The following JAK1 variants were observed in gnomAD, a reference collection of about 807,000 sequenced individuals.
The protein encoded by JAK1 is tyrosine-protein kinase JAK1.
In JAK1, 16 loss-of-function variants were observed where a neutral mutation model predicts 136.6. That is an observed-to-expected ratio of 0.12 (90% CI 0.08 to 0.18). JAK1 has a LOEUF of 0.18. Among genes scored for constraint, JAK1 ranks in the 10% least tolerant of loss-of-function variants. The probability of loss-of-function intolerance (pLI) is 1.00; values close to 1 mark genes in which losing one functional copy is unlikely to be tolerated. For missense variants in JAK1, 859 were observed against 1,450.1 expected, an observed-to-expected ratio of 0.59 and a Z score of 6.62; for synonymous variants, 492 against 519.5, an observed-to-expected ratio of 0.95 and a Z score of 0.72.
intron 1 of JAK1, among the ~76,000 whole-genome samples, chr1:64,963,069 C>G (rs1012928919): frequency 5.9e-5 from 9 of 152,236 alleles, no homozygotes; most frequent in South Asian, 4.1e-4. Flanking sequence ...GAGACACCAT[C>G]TCGAAAAATA....
chr1:64,968,704 G>A (rs1386638644), upstream of JAK1, among the ~76,000 whole-genome samples: 4 of 152,232 alleles, frequency 2.6e-5, no homozygotes, highest in East Asian at 5.8e-4. Flanking sequence ...GGCCGAGGTG[G>A]GCCAATCACT....
At chr1:64,936,733 TAA>T (rs904903554) in intron 1 of JAK1, among the ~76,000 whole-genome samples, 4 of 152,284 alleles carry the variant, frequency 2.6e-5, no homozygotes, top group Admixed American at 1.3e-4. Context: ...GTAAAAAGAT[TAA>T]GTTAGTTAAT....
At chr1:64,904,718 A>G (rs2100219605) in intron 1 of JAK1, among the ~76,000 whole-genome samples, 1 of 145,552 alleles carries the variant, frequency 6.9e-6, no homozygotes, top group East Asian at 2.0e-4. Context: ...ATTCATTCAC[A>G]TATATTCACA....
At chr1:65,044,169 C>T (rs1647162748) in intron 2 of JAK1, among the ~76,000 whole-genome samples, 1 of 152,200 alleles carries the variant, frequency 6.6e-6, no homozygotes, top group Admixed American at 6.5e-5. Context: ...ATTTACGTAA[C>T]ATTTTTGAAA....
chr1:65,001,345 T>G (rs1646754718), intron 2 of JAK1, among the ~76,000 whole-genome samples: 1 of 152,176 alleles, frequency 6.6e-6, no homozygotes, highest in Non-Finnish European at 1.5e-5. Context: ...AGCAGAGGCC[T>G]CCTGCGGAGC....
chr1:64,984,605 T>G lies in JAK1; in HGVS notation c.-78+59875A>C. On this transcript the variant is annotated intron_variant, in intron 2 of 25. Transcript: ENST00000671954. This position sits in a 1 kb window ranked among gnomAD's most constrained non-coding sequence, Gnocchi z 4.1. ...GGGAGGGAGGTTGAAGGAGGCATGATTTAGACATTGGTGGTGGTCTCCTTA... is the reference window on the plus strand; with the variant it reads ...GGGAGGGAGGTTGAAGGAGGCATGAGTTAGACATTGGTGGTGGTCTCCTTA... The G allele has an allele frequency of 2.3e-6, 1 of 425,716 alleles. No individual in the cohort carries two copies. 26.4% of individuals were successfully genotyped at this position (425,716 alleles called of 1,614,324 possible). A position where few individuals can be genotyped will look rare whatever the true frequency, so the allele number is the denominator to read the frequency against.
At chr1:65,003,810 A>T (rs1448357676) in intron 2 of JAK1, 1 of 152,262 alleles carries the variant, frequency 6.6e-6, no homozygotes, top group Non-Finnish European at 1.5e-5. Context: ...ATCTAAAGCA[A>T]ACATACAAAA....
At chr1:64,846,065 G>A (rs535367035) in intron 14 of JAK1, among the ~76,000 whole-genome samples, 4 of 152,284 alleles carry the variant, frequency 2.6e-5, no homozygotes, top group African/African-American at 7.2e-5. Flanking sequence ...GTGAGTACAC[G>A]GAACAGCTCA....
rs143377763 is a variant in JAK1, at chr1:65,029,488, G to A, written c.-78+14992C>T. ...GTATATACCCAAAGGAATACAAATCGTTCTATCATAAAGATATATTCACAT... is the reference window on the plus strand; with the variant it reads ...GTATATACCCAAAGGAATACAAATCATTCTATCATAAAGATATATTCACAT... On this transcript the variant is annotated intron_variant, in intron 2 of 25. Transcript: ENST00000671954. Among the ~76,000 whole-genome samples the A allele has an allele frequency of 2.9e-3, 435 of 152,206 alleles. 4 individuals carry two copies. Among genetic ancestry groups the A allele is most frequent in the Middle Eastern group, 6.8e-3 (2 of 294 alleles).
chr1:64,850,886 G>C lies in JAK1; in HGVS notation c.1673C>G (p.Thr558Ser), dbSNP rs747227844. 1 of 1,613,814 alleles carries C rather than the reference G, an allele frequency of 6.2e-7. No individual in the cohort carries two copies. The highest frequency in any genetic ancestry group is 8.5e-7 in the Non-Finnish European group (1 of 1,179,734). ...PREISNLLVA[T>S]KKAQEWQPVY... is the part of the protein sequence containing the mutation. ...GGGCTGCCACTCCTGGGCTTTCTTA[G>C]TAGCCACCAGCAGGTTGGAGATTTC... Residue 558 changes from threonine (T) to serine (S), a missense_variant, in exon 12 of 25, where the codon ACT (threonine) becomes AGT (serine). Physicochemically the swap from Thr to Ser is moderately conservative, Grantham distance 58. Coordinates refer to ENST00000342505, the MANE Select transcript of JAK1 (RefSeq NM_002227.4).
chr1:64,850,958 C>T, intron 11 of JAK1, 48 bp from the exon 12 acceptor site: 1 of 1,332,262 alleles, frequency 7.5e-7, no homozygotes. Context: ...AAGATCCGAG[C>T]TCTCAGACAG....
At chr1:65,030,654 T>G (rs2100812893) in intron 2 of JAK1, among the ~76,000 whole-genome samples, 1 of 152,112 alleles carries the variant, frequency 6.6e-6, no homozygotes, top group East Asian at 1.9e-4. Context: ...TGCCTCAGCC[T>G]CCCAACTAGC....
At chr1:65,035,393 TA>T (rs1251143637) in intron 2 of JAK1, among the ~76,000 whole-genome samples, 2 of 152,190 alleles carry the variant, frequency 1.3e-5, no homozygotes, top group Admixed American at 1.3e-4. Flanking sequence ...CAAGTGAGTA[TA>T]AAGTTTAGCT....
chr1:64,851,658 A>G (rs1385978901), intron 11 of JAK1, among the ~76,000 whole-genome samples: 1 of 152,232 alleles, frequency 6.6e-6, no homozygotes, highest in Admixed American at 6.5e-5. Context: ...CAGGAAATCT[A>G]CAATCCATAG....
At chr1:64,873,889 G>A (rs972444446) in intron 4 of JAK1, among the ~76,000 whole-genome samples, 1 of 152,144 alleles carries the variant, frequency 6.6e-6, no homozygotes, top group Non-Finnish European at 1.5e-5. Flanking sequence ...ATTCTACCTC[G>A]AATCCAAGAC....
Position 64,952,108 on chromosome 1 carries a change from T to C in JAK1, c.-78+14225A>G, listed in dbSNP as rs1485628093. Among the ~76,000 whole-genome samples, 3 of 152,264 alleles carry C rather than the reference T, an allele frequency of 2.0e-5. No individual in the cohort carries two copies. The East Asian group carries it at 5.8e-4, about 29-fold the overall frequency. The stretch of plus-strand genomic sequence containing the variant: ...CATAAAGTATCTGAAACGCTATACA[T>C]TTGCCCTGCCAAAATAGCAGGAAAC... On this transcript the variant is annotated intron_variant, in intron 1 of 24. Transcript: ENST00000342505.
intron 6 of JAK1, among the ~76,000 whole-genome samples, 179 bp from the exon 7 acceptor site, chr1:64,867,387 T>C (rs183906173): frequency 2.6e-5 from 4 of 152,318 alleles, no homozygotes; most frequent in East Asian, 3.9e-4. Context: ...TGCAGGTGAA[T>C]AGAAACTGGG....
At chr1:65,063,587 C>G (rs1197328132) in intron 1 of JAK1, among the ~76,000 whole-genome samples, 2 of 151,984 alleles carry the variant, frequency 1.3e-5, no homozygotes, top group Non-Finnish European at 2.9e-5. Context: ...ATGGATCACC[C>G]GAGCTTAGGA....
chr1:64,855,449 A>C (rs1655865052), intron 11 of JAK1, 60 bp downstream of exon 11: 1 of 1,528,140 alleles, frequency 6.5e-7, no homozygotes, highest in African/African-American at 1.4e-5. Context: ...GTTTTGGTCG[A>C]TCTGGGTCTC....
Sources: allele counts gnomAD v4.1 joint callset (sites outside exome capture counted in the v4.1 genomes callset), GRCh38; gene constraint gnomAD v4.1.1; non-coding constraint Gnocchi (gnomAD v3.1); transcripts MANE v1.5; gene names NCBI Gene and HGNC (gene_info 2026-07-23, HGNC 2026-07-21).